The following PTPRO variants were observed in gnomAD, a reference collection of about 807,000 sequenced individuals.
PTPRO encodes the protein receptor-type tyrosine-protein phosphatase O.
A neutral mutation model predicts 145.2 loss-of-function variants in PTPRO; 62 were observed. The ratio of observed to expected loss-of-function variants is 0.43; its 90% CI spans 0.35 to 0.53. PTPRO has a LOEUF of 0.53. Ranked by LOEUF, PTPRO falls within the 20% of genes least tolerant of loss-of-function variation. The pLI is 0.01. For missense variants in PTPRO, 1,345 were observed against 1,482.7 expected (o/e 0.91, Z 1.53); for synonymous variants, 565 against 514.7 (o/e 1.10, Z -1.32).
At chr12:15,439,850 A>C (rs940274515) in intron 1 of PTPRO, 30 of 626,068 alleles carry the variant, frequency 4.8e-5, no homozygotes, top group Non-Finnish European at 5.8e-6. Flanking sequence ...TTTGAAGATT[A>C]TGATGGTGCA....
At chr12:15,558,431 C>A (rs1032243295) in intron 16 of PTPRO, among the ~76,000 whole-genome samples, 1 of 152,106 alleles carries the variant, frequency 6.6e-6, no homozygotes, top group Non-Finnish European at 1.5e-5. Flanking sequence ...AGGAAGTGTT[C>A]GAATTTTAAA....
chr12:15,446,575 A>G (rs888715822), intron 1 of PTPRO, among the ~76,000 whole-genome samples: 1 of 151,864 alleles, frequency 6.6e-6, no homozygotes, highest in African/African-American at 2.4e-5. Flanking sequence ...AGGCAAATAT[A>G]TGATGCCCGA....
At chr12:15,465,397 T>C (rs1941393807) in intron 1 of PTPRO, among the ~76,000 whole-genome samples, 1 of 152,366 alleles carries the variant, frequency 6.6e-6, no homozygotes. Flanking sequence ...ACATATTTCT[T>C]CTTTATATAT....
At chr12:15,486,636 C>T (rs2136443795) in intron 2 of PTPRO, among the ~76,000 whole-genome samples, 1 of 152,066 alleles carries the variant, frequency 6.6e-6, no homozygotes, top group South Asian at 2.1e-4. Context: ...TCATGGTTTA[C>T]TTAATCCATT....
intron 9 of PTPRO, among the ~76,000 whole-genome samples, chr12:15,517,944 T>C (rs1396355316): frequency 1.3e-5 from 2 of 152,310 alleles, no homozygotes; most frequent in Admixed American, 6.5e-5. Context: ...GTCTGGAGGA[T>C]GGTGACCCTC....
intron 1 of PTPRO, among the ~76,000 whole-genome samples, chr12:15,414,172 A>G (rs1219219315): frequency 1.3e-5 from 2 of 152,238 alleles, no homozygotes; most frequent in East Asian, 1.9e-4. Context: ...GTCACGACAT[A>G]CGTTTAGAAA....
chr12:15,553,746 G>T (rs1274182674), intron 15 of PTPRO, among the ~76,000 whole-genome samples: 1 of 152,136 alleles, frequency 6.6e-6, no homozygotes, highest in Non-Finnish European at 1.5e-5. Flanking sequence ...CTGTATTGAG[G>T]CAAGGACAGA....
chr12:15,392,355 A>C (rs1028595176), intron 1 of PTPRO, among the ~76,000 whole-genome samples: 1 of 152,192 alleles, frequency 6.6e-6, no homozygotes, highest in Non-Finnish European at 1.5e-5. Flanking sequence ...TTCTTGAAGA[A>C]TGGTGTTACA....
chr12:15,496,329 A>G (rs1942106781), intron 2 of PTPRO, among the ~76,000 whole-genome samples: 1 of 151,722 alleles, frequency 6.6e-6, no homozygotes, highest in South Asian at 2.1e-4. Flanking sequence ...TTTAGTAGAG[A>G]CAGGGTTTCT....
chr12:15,501,997 T>G lies in PTPRO; in HGVS notation c.1039T>G (p.Leu347Val). 6.2e-7 allele frequency: 1 copy of G among 1,614,068 alleles called. No individual in the cohort carries two copies. The highest frequency in any genetic ancestry group is 1.7e-4 in the Middle Eastern group (1 of 6,060). ...SFSFFPVQMI[L>V]TWLPPKPPTA... is the part of the protein sequence containing the mutation. ...CTCCTTTTTCCCTGTGCAAATGATA[T>G]TGACCTGGTTACCACCCAAACCACC... Residue 347 changes from leucine (L) to valine (V), a missense_variant, in exon 5 of 27, where the codon TTG becomes GTG. Coordinates refer to ENST00000281171, the MANE Select transcript of PTPRO (RefSeq NM_030667.3).
chr12:15,495,726 A>G (rs1025463766), intron 2 of PTPRO, among the ~76,000 whole-genome samples: 1 of 152,172 alleles, frequency 6.6e-6, no homozygotes, highest in African/African-American at 2.4e-5. Flanking sequence ...AGGCAGAAAC[A>G]GAGAAGATTT....
chr12:15,352,319 C>A (rs1937830665), intron 1 of PTPRO, among the ~76,000 whole-genome samples: 1 of 151,998 alleles, frequency 6.6e-6, no homozygotes, highest in African/African-American at 2.4e-5. Flanking sequence ...TAAGTGAATA[C>A]CAAGAATGAA....
intron 1 of PTPRO, among the ~76,000 whole-genome samples, chr12:15,432,685 T>A (rs1940477230): frequency 6.6e-6 from 1 of 152,242 alleles, no homozygotes; most frequent in Non-Finnish European, 1.5e-5. Context: ...GACTTTTGAA[T>A]CATAGCCTTC....
At chr12:15,496,289 T>TTC (rs1942106056) in intron 2 of PTPRO, among the ~76,000 whole-genome samples, 1 of 151,756 alleles carries the variant, frequency 6.6e-6, no homozygotes, top group African/African-American at 2.4e-5. Context: ...ATTACAGGCG[T>TTC]GTGTCACCAC....
chr12:15,433,383 C>T (rs996663095), intron 1 of PTPRO, among the ~76,000 whole-genome samples: 29 of 152,074 alleles, frequency 1.9e-4, no homozygotes, highest in African/African-American at 6.0e-4. Flanking sequence ...CAGGGTTTCA[C>T]CGTGTTAGCC....
rs1940711043 is a variant in PTPRO at position 15,439,897 on chromosome 12, G to A, written c.76-44077G>A. On this transcript the variant is annotated intron_variant, in intron 1 of 26. Transcript: ENST00000281171. ...ACGTCGGCCAGCACACCAAGTTCAA[G>A]GTGTTTGTTGCCATTGGGGACTACA... The A allele has an allele frequency of 4.6e-6, 3 of 658,144 alleles. No individual in the cohort carries two copies. In the East Asian group the frequency reaches 8.2e-5, roughly 18 times the overall value. The allele number at this position is 658,144 out of a possible 1,614,324, so 40.8% of individuals were successfully genotyped here.
chr12:15,548,256 G>A (rs1210823200), intron 13 of PTPRO, among the ~76,000 whole-genome samples: 1 of 151,994 alleles, frequency 6.6e-6, no homozygotes, highest in African/African-American at 2.4e-5. Context: ...AGTAATAATG[G>A]GAAAGCTCAG....
intron 1 of PTPRO, among the ~76,000 whole-genome samples, chr12:15,364,603 C>T (rs1412356347): frequency 6.6e-6 from 1 of 152,124 alleles, no homozygotes; most frequent in Non-Finnish European, 1.5e-5. Context: ...ACCAGCCCAG[C>T]AATCCAGATT....
chr12:15,458,531 T>C (rs922363854), intron 1 of PTPRO, among the ~76,000 whole-genome samples: 1 of 151,800 alleles, frequency 6.6e-6, no homozygotes, highest in Non-Finnish European at 1.5e-5. Context: ...TCACTCTTTT[T>C]CATTTTTTTC....
Sources: gnomAD v4.1 joint callset for allele counts (sites outside exome capture counted in the v4.1 genomes callset) on GRCh38, gnomAD v4.1.1 for gene constraint, MANE v1.5 for transcripts, NCBI Gene and HGNC (gene_info 2026-07-23, HGNC 2026-07-21) for gene names.